APC: variants seen among roughly 807,000 people sequenced by gnomAD.
APC encodes the protein adenomatous polyposis coli protein.
In APC, 72 loss-of-function variants were observed where a neutral mutation model predicts 247.0. That is an observed-to-expected ratio of 0.29 (90% CI 0.24 to 0.35). APC has a LOEUF of 0.35. Ranked by LOEUF, APC falls within the 10% of genes least tolerant of loss-of-function variation. The pLI is 1.00. For synonymous variants in APC, 1,254 were observed against 1,162.5 expected, an observed-to-expected ratio of 1.08 and a Z score of -1.60; for missense variants, 3,400 against 3,360.7, an observed-to-expected ratio of 1.01 and a Z score of -0.29.
intron 8 of APC, among the ~76,000 whole-genome samples, chr5:112,803,975 C>A (rs1339844814): frequency 2.0e-5 from 3 of 152,200 alleles, no homozygotes; most frequent in Non-Finnish European, 4.4e-5. Flanking sequence ...GCTTACTCTT[C>A]CAAGAGTATC....
At chr5:112,792,977 G>A (rs1447068832) in intron 7 of APC, among the ~76,000 whole-genome samples, 1 of 152,014 alleles carries the variant, frequency 6.6e-6, no homozygotes, top group East Asian at 1.9e-4. Context: ...CTGGAAAGCA[G>A]GTAAACAAGT....
At position 112,780,699 on chromosome 5, in the gene APC, AT is replaced by A. The variant is rs1758221793; in HGVS notation, c.532-87del. ...CCATGACTGACGTATTTGCTTATTC[AT>A]TTTCTTTATTGGTTCTTATATGCTT... On this transcript the variant is annotated intron_variant, in intron 5 of 15. Transcript: ENST00000257430. 8.9e-6 allele frequency: 8 copies of A among 894,948 alleles called. No individual in the cohort carries two copies. In the Middle Eastern group the frequency reaches 6.5e-4, roughly 73 times the overall value. The allele number at this position is 894,948 out of a possible 1,614,324, so 55.4% of individuals were successfully genotyped here.
rs1765877168 is a variant in APC, at chr5:112,840,796, A to C, written c.5202A>C (p.Lys1734Asn). The C allele has an allele frequency of 6.2e-7, 1 of 1,614,134 alleles. No homozygotes were observed. Among genetic ancestry groups the C allele is most frequent in the East Asian group, 2.2e-5 (1 of 44,884 alleles). Residue 1734 changes from lysine (K) to asparagine (N), a missense_variant, in exon 16 of 16, where the codon AAA becomes AAC. Physicochemically the swap from Lys to Asn is moderately conservative, Grantham distance 94. Around this residue, in one of 9 missense-constraint regions of APC, gnomAD observed 1,788 missense variants for 1,649.5 expected, o/e 1.08. Transcript: ENST00000257430. This position sits in a 1 kb window ranked among gnomAD's most constrained non-coding sequence, Gnocchi z 4.1. ...LAECINSAMP[K>N]GKSHKPFRVK... is the part of the protein sequence containing the mutation. ...AATGCATTAATTCTGCTATGCCCAA[A>C]GGGAAAAGTCACAAGCCTTTCCGTG...
At chr5:112,811,768 T>C (rs190426623) in intron 8 of APC, among the ~76,000 whole-genome samples, 1 of 152,368 alleles carries the variant, frequency 6.6e-6, no homozygotes, top group Admixed American at 6.5e-5. Context: ...TATTGCTGCA[T>C]AACAAATTGC....
At chr5:112,766,485 C>T in intron 3 of APC, 75 bp downstream of exon 3, 4 of 925,848 alleles carry the variant, frequency 4.3e-6, no homozygotes, top group Non-Finnish European at 5.1e-6. Flanking sequence ...GATCCAAGTA[C>T]AGCTTCTCTC....
intron 10 of APC, among the ~76,000 whole-genome samples, chr5:112,820,835 A>T (rs1763044634): frequency 6.6e-6 from 1 of 152,042 alleles, no homozygotes; most frequent in African/African-American, 2.4e-5. Flanking sequence ...TGTATTAGAG[A>T]TCACATTTGT....
Position 112,775,749 on chromosome 5 carries a change from G to C in APC, c.531+12G>C, listed in dbSNP as rs1757577555. The C allele has an allele frequency of 7.1e-7, 1 of 1,408,788 alleles. No individual in the cohort carries two copies. Among genetic ancestry groups the C allele is most frequent in the Admixed American group, 1.9e-5 (1 of 53,388 alleles). 87.3% of individuals were successfully genotyped at this position (1,408,788 alleles called of 1,614,324 possible). A position where few individuals can be genotyped will look rare whatever the true frequency, so the allele number is the denominator to read the frequency against. ...CTTTAACTGAAAATGTAAGTAACTT[G>C]GCAGTACAACTTATTTGAAACTTTA... On this transcript the variant is annotated intron_variant, in intron 5 of 15. Coordinates refer to ENST00000257430, the MANE Select transcript of APC (RefSeq NM_000038.6).
chr5:112,773,049 G>A (rs1757233396), intron 4 of APC, among the ~76,000 whole-genome samples: 2 of 152,250 alleles, frequency 1.3e-5, no homozygotes, highest in African/African-American at 4.8e-5. Context: ...AGAAATCGGA[G>A]GGAGAGAGCA....
At chr5:112,835,800 T>TGGCCTCCAGTGACCCACCTGTCTC (rs1375009170) in intron 15 of APC, among the ~76,000 whole-genome samples, 1 of 151,888 alleles carries the variant, frequency 6.6e-6, no homozygotes, top group African/African-American at 2.4e-5. Flanking sequence ...CTTGAACTCC[T>TGGCCTCCAGTGACCCACCTGTCTC]GGCCTCCAGT....
chr5:112,712,738 A>G (rs1029471168), intron 1 of APC, among the ~76,000 whole-genome samples: 4 of 151,020 alleles, frequency 2.6e-5, no homozygotes, highest in African/African-American at 7.3e-5. Context: ...TTTTCTAACT[A>G]CCTCTCTCTC....
At chr5:112,740,524 C>CT (rs11286305) in intron 1 of APC, among the ~76,000 whole-genome samples, 1,708 of 99,116 alleles carry the variant, frequency 0.017, 37 homozygotes, top group Non-Finnish European at 0.02. Flanking sequence ...GTTTTTTTTT[C>CT]TTTTTTTTTT....
rs764152659 is a variant in APC, at chr5:112,840,727, T to A, written c.5133T>A (p.Pro1711=). Residue 1711 remains proline (P), a synonymous_variant, in exon 16 of 16, where the codon CCT becomes CCA. Coordinates refer to ENST00000257430, the MANE Select transcript of APC (RefSeq NM_000038.6). This position sits in a 1 kb window ranked among gnomAD's most constrained non-coding sequence, Gnocchi z 4.1. The stretch of plus-strand genomic sequence containing the variant: ...GAAAAACCTCATCTGTAACCATACC[T>A]GAATTGGATGACAATAAAGCAGAGG... The part of the protein sequence containing the change: ...QGGKTSSVTI[P]ELDDNKAEEG... The A allele has an allele frequency of 1.2e-6, 2 of 1,614,116 alleles. No individual in the cohort carries two copies. The highest frequency in any genetic ancestry group is 1.7e-6 in the Non-Finnish European group (2 of 1,179,990).
intron 2 of APC, among the ~76,000 whole-genome samples, chr5:112,758,608 G>A (rs75330662): frequency 6.6e-6 from 1 of 151,948 alleles, no homozygotes; most frequent in African/African-American, 2.4e-5. Flanking sequence ...ACAGGCATGA[G>A]CCACCACGCC....
At chr5:112,707,690 G>C (rs1580996638) in exon 1 of APC, 1 of 1,370,654 alleles carries the variant, frequency 7.3e-7, no homozygotes, top group Non-Finnish European at 9.6e-7. Context: ...GAAGCACTCA[G>C]TTGCCTTCTC....
At chr5:112,810,182 T>C (rs1265029197) in intron 8 of APC, 2 of 455,340 alleles carry the variant, frequency 4.4e-6, no homozygotes, top group Non-Finnish European at 8.8e-6. Flanking sequence ...GAGAAGAGAG[T>C]TGAAGATCCC....
upstream of APC, among the ~76,000 whole-genome samples, chr5:112,733,148 A>C (rs1043374143): frequency 1.3e-5 from 2 of 152,222 alleles, no homozygotes; most frequent in South Asian, 2.1e-4. Context: ...AGAAACTATA[A>C]GTTTTAGAAA....
intron 11 of APC, among the ~76,000 whole-genome samples, chr5:112,824,889 TTCTC>T (rs1763484646): frequency 6.6e-6 from 1 of 152,120 alleles, no homozygotes; most frequent in African/African-American, 2.4e-5. Context: ...CTCTTTTCCT[TTCTC>T]TCTATGCTTC....
chr5:112,828,638 C>T (rs937524971), intron 13 of APC, among the ~76,000 whole-genome samples: 7 of 152,022 alleles, frequency 4.6e-5, no homozygotes, highest in Non-Finnish European at 5.9e-5. Flanking sequence ...TTCATAGAGA[C>T]AGGGTCTCAC....
At chr5:112,738,374 A>G (rs1752573705) in intron 1 of APC, 6 of 985,670 alleles carry the variant, frequency 6.1e-6, no homozygotes, top group Non-Finnish European at 7.2e-6. Context: ...TGGTGGCCAA[A>G]AGAGAGAGGA....
Sources: gnomAD v4.1 joint callset for allele counts (sites outside exome capture counted in the v4.1 genomes callset) on GRCh38, gnomAD v4.1.1 for gene constraint, gnomAD v4.1.1 regional missense constraint, Gnocchi (gnomAD v3.1) non-coding constraint, MANE v1.5 for transcripts, NCBI Gene and HGNC (gene_info 2026-07-23, HGNC 2026-07-21) for gene names.